DMD: variants seen among roughly 807,000 people sequenced by gnomAD.
DMD encodes the protein dystrophin.
In DMD, 63 loss-of-function variants were observed where a neutral mutation model predicts 330.1. The ratio of observed to expected loss-of-function variants is 0.19; its 90% CI spans 0.16 to 0.24. DMD has a LOEUF of 0.24. Ranked by LOEUF, DMD falls within the 10% of genes least tolerant of loss-of-function variation. The probability of loss-of-function intolerance (pLI) is 1.00; values close to 1 mark genes in which losing one functional copy is unlikely to be tolerated. For synonymous variants in DMD, 1,223 were observed against 959.8 expected (o/e 1.27, Z -5.07); for missense variants, 3,344 against 2,684.1 (o/e 1.25, Z -5.43).
intron 11 of DMD, among the ~76,000 whole-genome samples, chrX:32,632,124 T>C (rs1160227556): frequency 1.8e-5 from 2 of 112,278 alleles, no homozygotes; most frequent in African/African-American, 3.2e-5. Flanking sequence ...AACACTCCTA[T>C]TCCAAAAGGG....
intron 9 of DMD, among the ~76,000 whole-genome samples, chrX:32,693,731 C>T (rs768040083): frequency 6.1e-4 from 68 of 112,281 alleles, no homozygotes; most frequent in Non-Finnish European, 1.0e-3. Flanking sequence ...TGAGCCACTA[C>T]ACCCAGCTCG....
At chrX:31,451,031 G>T (rs1434526012) in intron 59 of DMD, among the ~76,000 whole-genome samples, 1 of 110,058 alleles carries the variant, frequency 9.1e-6, no homozygotes, top group Non-Finnish European at 1.9e-5. Context: ...CCATTACTTA[G>T]ATTAACTTCA....
At chrX:31,137,495 C>A (rs768298583) in intron 76 of DMD, among the ~76,000 whole-genome samples, 1 of 111,331 alleles carries the variant, frequency 9.0e-6, no homozygotes, top group South Asian at 3.8e-4. Flanking sequence ...TTGATACTAA[C>A]CCAGATTTTT....
chrX:31,780,480 G>T (rs1302316099), intron 50 of DMD, among the ~76,000 whole-genome samples: 1 of 111,831 alleles, frequency 8.9e-6, no homozygotes, highest in East Asian at 2.8e-4. Flanking sequence ...TAATACTATG[G>T]GGTATAAGAA....
chrX:32,104,227 G>T (rs763310852), intron 44 of DMD, among the ~76,000 whole-genome samples: 2 of 111,712 alleles, frequency 1.8e-5, no homozygotes, highest in Admixed American at 9.5e-5. Flanking sequence ...GATGTATTTC[G>T]GGAGGTAATA....
chrX:32,782,333 A>T (rs1246452017), intron 7 of DMD, among the ~76,000 whole-genome samples: 1 of 112,013 alleles, frequency 8.9e-6, no homozygotes, highest in Non-Finnish European at 1.9e-5. Flanking sequence ...ATATGTATGC[A>T]GTAACAGAGA....
chrX:31,399,769 G>A (rs1341555431), intron 60 of DMD, among the ~76,000 whole-genome samples: 1 of 111,785 alleles, frequency 8.9e-6, no homozygotes, highest in Non-Finnish European at 1.9e-5. Flanking sequence ...TGGGGACAGG[G>A]AGGCTAATCA....
intron 63 of DMD, among the ~76,000 whole-genome samples, chrX:31,227,899 C>T (rs1009133984): frequency 9.1e-6 from 1 of 109,987 alleles, no homozygotes; most frequent in African/African-American, 3.3e-5. Flanking sequence ...AAATGTGGCA[C>T]ATATACACCA....
intron 26 of DMD, among the ~76,000 whole-genome samples, chrX:32,452,714 G>T (rs1180737388): frequency 9.1e-6 from 1 of 110,477 alleles, no homozygotes; most frequent in Non-Finnish European, 1.9e-5. Context: ...TTCCTCAGGG[G>T]TGACCTCCCC....
intron 7 of DMD, among the ~76,000 whole-genome samples, chrX:32,762,278 G>A (rs1416645909): frequency 9.0e-6 from 1 of 111,193 alleles, no homozygotes; most frequent in Non-Finnish European, 1.9e-5. Context: ...TCAACCGATG[G>A]TCACCTATTA....
intron 55 of DMD, among the ~76,000 whole-genome samples, chrX:31,598,761 A>G (rs746116022): frequency 8.9e-6 from 1 of 112,024 alleles, no homozygotes; most frequent in African/African-American, 3.2e-5. Context: ...AATATCTGCA[A>G]CTAGTTAGGT....
At chrX:32,844,706 T>C in intron 4 of DMD, 77 bp downstream of exon 4, 5 of 869,984 alleles carry the variant, frequency 5.7e-6, no homozygotes, top group Non-Finnish European at 8.6e-6. Context: ...TTTCTCTGCA[T>C]TTGGGGCCAA....
chrX:31,212,334 C>A (rs188323345), intron 64 of DMD, among the ~76,000 whole-genome samples: 1 of 109,422 alleles, frequency 9.1e-6, no homozygotes, highest in Admixed American at 9.9e-5. Context: ...GAACAGGGAC[C>A]ATGTGGTGGT....
intron 47 of DMD, among the ~76,000 whole-genome samples, chrX:31,923,526 A>C (rs2094722251): frequency 9.0e-6 from 1 of 110,847 alleles, no homozygotes; most frequent in Non-Finnish European, 1.9e-5. Flanking sequence ...ACTTACATAA[A>C]GAAAACATTC....
chrX:32,584,228 G>A (rs934372010), intron 13 of DMD, among the ~76,000 whole-genome samples: 2 of 111,287 alleles, frequency 1.8e-5, no homozygotes, highest in South Asian at 3.7e-4. Flanking sequence ...AAAAATGAGA[G>A]ATGACATTAT....
chrX:31,566,143 T>C (rs2075452142), intron 55 of DMD, among the ~76,000 whole-genome samples: 2 of 111,929 alleles, frequency 1.8e-5, no homozygotes, highest in Non-Finnish European at 3.8e-5. Context: ...TTTTTTTCTG[T>C]GTGTGGATCA....
At chrX:32,300,023 A>G (rs1215975284) in intron 42 of DMD, among the ~76,000 whole-genome samples, 1 of 111,870 alleles carries the variant, frequency 8.9e-6, no homozygotes. Flanking sequence ...TTGTATAACT[A>G]TAATATGTAT....
chrX:31,777,054 T>C (rs996112140), intron 50 of DMD, among the ~76,000 whole-genome samples: 2 of 111,837 alleles, frequency 1.8e-5, no homozygotes, highest in African/African-American at 3.3e-5. Context: ...TCCTGGAGTA[T>C]AGGAGGTGCT....
chrX:32,454,839 C>A lies in DMD; in HGVS notation c.3433-7G>T. The A allele has an allele frequency of 8.3e-7, 1 of 1,204,232 alleles. No homozygotes were observed. The highest frequency in any genetic ancestry group is 1.8e-5 in the South Asian group (1 of 56,648). On this transcript the variant is annotated splice_region_variant and splice_polypyrimidine_tract_variant and intron_variant, in intron 25 of 78. Coordinates refer to ENST00000357033, the MANE Select transcript of DMD (RefSeq NM_004006.3). ...CCTCCTTTCTGGCATAGACCTTCCA[C>A]AAAACAAACAAACAAAACACGATTA...
Sources: allele counts gnomAD v4.1 joint callset (sites outside exome capture counted in the v4.1 genomes callset), GRCh38; gene constraint gnomAD v4.1.1; transcripts MANE v1.5; gene names NCBI Gene and HGNC (gene_info 2026-07-23, HGNC 2026-07-21).